FBXL17: variants seen among roughly 807,000 people sequenced by gnomAD.
FBXL17 encodes the protein F-box and leucine rich repeat protein 17.
FBXL17 carries 22 observed loss-of-function variants against 66.2 expected under a neutral mutation model. The ratio of observed to expected loss-of-function variants is 0.33; its 90% CI spans 0.24 to 0.47. The LOEUF (loss-of-function observed/expected upper bound fraction) is 0.47. Ranked by LOEUF, FBXL17 falls within the 20% of genes least tolerant of loss-of-function variation. FBXL17 has a pLI of 1.00. For missense variants in FBXL17, 878 were observed against 948.2 expected, an observed-to-expected ratio of 0.93 and a Z score of 0.97; for synonymous variants, 474 against 400.5, an observed-to-expected ratio of 1.18 and a Z score of -2.19.
intron 6 of FBXL17, among the ~76,000 whole-genome samples, chr5:108,067,171 T>C (rs1305546581): frequency 6.6e-6 from 1 of 152,152 alleles, no homozygotes; most frequent in African/African-American, 2.4e-5. Context: ...TTACACAACA[T>C]AGAAGAAAAC....
chr5:108,014,662 C>G (rs2416523), intron 7 of FBXL17, among the ~76,000 whole-genome samples: 45,381 of 151,970 alleles, frequency 0.3, 7,765 homozygotes, highest in Admixed American at 0.4. Context: ...TGCTGTAGAG[C>G]AAAGGAGAAA....
At chr5:108,157,991 T>C (rs1487451530) in intron 6 of FBXL17, among the ~76,000 whole-genome samples, 1 of 152,032 alleles carries the variant, frequency 6.6e-6, no homozygotes. Context: ...TAGATGTAAA[T>C]AATCAAACTT....
chr5:108,199,761 G>A (rs771279068), intron 5 of FBXL17, among the ~76,000 whole-genome samples: 5 of 152,024 alleles, frequency 3.3e-5, no homozygotes, highest in African/African-American at 1.2e-4. Flanking sequence ...TGAAAGAAAC[G>A]CAGAATGACA....
At chr5:107,957,153 C>G (rs1293233139) in intron 7 of FBXL17, among the ~76,000 whole-genome samples, 1 of 152,090 alleles carries the variant, frequency 6.6e-6, no homozygotes, top group Non-Finnish European at 1.5e-5. Flanking sequence ...TTCGGTGTCA[C>G]TGATTAAGAT....
chr5:108,326,142 C>T (rs1759837865), intron 4 of FBXL17, among the ~76,000 whole-genome samples: 1 of 152,110 alleles, frequency 6.6e-6, no homozygotes, highest in Admixed American at 6.6e-5. Flanking sequence ...TGAGCTTCAT[C>T]AAAGTAAAAA....
At position 108,207,938 on chromosome 5, in the gene FBXL17, G is replaced by T. The variant is rs192509871; in HGVS notation, c.1614+16183C>A. ...TTGAACAACACTCCTACCGAGTGTT[G>T]TAAGTGTCCCTATTTCTCCACATCC... is the stretch of plus-strand genomic sequence containing the variant. On this transcript the variant is annotated intron_variant, in intron 5 of 8. Transcript: ENST00000542267. Among the ~76,000 whole-genome samples, 243 of 152,118 alleles carry T rather than the reference G, an allele frequency of 1.6e-3. 1 individual carries two copies. The highest frequency in any genetic ancestry group is 5.8e-3 in the African/African-American group (239 of 41,522).
chr5:108,075,204 A>G (rs947443373), intron 6 of FBXL17, among the ~76,000 whole-genome samples: 1 of 152,174 alleles, frequency 6.6e-6, no homozygotes, highest in African/African-American at 2.4e-5. Context: ...CAGTTGGGAA[A>G]GAGATCAAAT....
At chr5:108,055,630 A>AAAAAAG (rs1554060745) in intron 6 of FBXL17, among the ~76,000 whole-genome samples, 11 of 149,114 alleles carry the variant, frequency 7.4e-5, no homozygotes, top group African/African-American at 2.2e-4. Context: ...AAAAAAAAAA[A>AAAAAAG]AGAGAGAAAA....
chr5:108,166,554 G>C lies in FBXL17; in HGVS notation c.1745+19563C>G, dbSNP rs1752423888. ...ATCTGTTAGTTGTAAGAAGCATTTT[G>C]AACATCAGATAGAGTGTGATTTGAT... On this transcript the variant is annotated intron_variant, in intron 6 of 8. Coordinates refer to ENST00000542267, the MANE Select transcript of FBXL17 (RefSeq NM_001163315.3). 1.3e-5 allele frequency among the ~76,000 whole-genome samples: 2 copies of C among 152,154 alleles called. 1 individual carries two copies. Among genetic ancestry groups the C allele is most frequent in the African/African-American group, 4.8e-5 (2 of 41,440 alleles).
At chr5:107,882,088 C>G (rs1748811119) in intron 7 of FBXL17, among the ~76,000 whole-genome samples, 1 of 152,158 alleles carries the variant, frequency 6.6e-6, no homozygotes, top group Non-Finnish European at 1.5e-5. Context: ...TACCCCAGCA[C>G]CAGTTTATGG....
intron 7 of FBXL17, among the ~76,000 whole-genome samples, chr5:107,932,872 C>CT (rs2112577586): frequency 7.9e-6 from 1 of 126,930 alleles, no homozygotes; most frequent in Non-Finnish European, 1.8e-5. Flanking sequence ...CTAAGAAATA[C>CT]ATAAGATGTC....
chr5:108,351,971 A>G (rs1246624572), intron 3 of FBXL17, among the ~76,000 whole-genome samples: 1 of 152,246 alleles, frequency 6.6e-6, no homozygotes, highest in East Asian at 1.9e-4. Context: ...TTTGACATTG[A>G]AAAGTAGCTT....
At chr5:107,959,274 C>G (rs1046961428) in intron 7 of FBXL17, among the ~76,000 whole-genome samples, 2 of 151,812 alleles carry the variant, frequency 1.3e-5, no homozygotes, top group East Asian at 3.9e-4. Context: ...GAGGGGTAGT[C>G]AAGAATAATT....
At position 108,380,882 on chromosome 5, in the gene FBXL17, G is replaced by C; in HGVS notation, c.810C>G (p.Ala270=). ...PPPSSPTSEG[A]PTEAGGDAVR... ...CAGCGTCCCCGCCAGCTTCGGTGGG[G>C]GCACCTTCGGAGGTGGGAGAAGAGG... The change falls in exon 1 of 9, where the codon GCC becomes GCG. Residue 270 remains alanine (A), a synonymous_variant. Coordinates refer to ENST00000542267, the MANE Select transcript of FBXL17 (RefSeq NM_001163315.3). The C allele has an allele frequency of 8.1e-7, 1 of 1,240,416 alleles. No individual in the cohort carries two copies. Among genetic ancestry groups the C allele is most frequent in the Non-Finnish European group, 1.0e-6 (1 of 986,768 alleles). The allele number at this position is 1,240,416 out of a possible 1,614,324, so 76.8% of individuals were successfully genotyped here. A position where few individuals can be genotyped will look rare whatever the true frequency, so the allele number is the denominator to read the frequency against.
chr5:108,041,264 C>A (rs1157399104), intron 6 of FBXL17, among the ~76,000 whole-genome samples: 2 of 152,120 alleles, frequency 1.3e-5, no homozygotes, highest in Non-Finnish European at 2.9e-5. Flanking sequence ...CCCCTTCTAA[C>A]AAAGGAGGCT....
intron 8 of FBXL17, chr5:107,878,662 AT>A: frequency 1.0e-6 from 1 of 985,450 alleles, no homozygotes; most frequent in Non-Finnish European, 1.2e-6. Context: ...GATGGATGGC[AT>A]GATACAAAAT....
At chr5:107,951,648 G>A (rs1244908860) in intron 7 of FBXL17, among the ~76,000 whole-genome samples, 1 of 152,236 alleles carries the variant, frequency 6.6e-6, no homozygotes, top group African/African-American at 2.4e-5. Context: ...TAAGCAAATG[G>A]ATCTAACTCT....
At chr5:108,144,485 T>C (rs910061217) in intron 6 of FBXL17, among the ~76,000 whole-genome samples, 8 of 152,204 alleles carry the variant, frequency 5.3e-5, no homozygotes, top group African/African-American at 1.9e-4. Flanking sequence ...CAAAATTATA[T>C]TAAAATGCCA....
chr5:108,029,349 G>A (rs965800863), intron 6 of FBXL17, among the ~76,000 whole-genome samples: 9 of 152,224 alleles, frequency 5.9e-5, no homozygotes, highest in Non-Finnish European at 1.0e-4. Context: ...ACACAAGCTT[G>A]AGGAAGGCAG....
Sources: gnomAD v4.1 joint callset for allele counts (sites outside exome capture counted in the v4.1 genomes callset) on GRCh38, gnomAD v4.1.1 for gene constraint, MANE v1.5 for transcripts, NCBI Gene and HGNC (gene_info 2026-07-23, HGNC 2026-07-21) for gene names.